The following SEPTIN9 variants were observed in gnomAD, a reference collection of about 807,000 sequenced individuals.
SEPTIN9 encodes the protein septin-9.
SEPTIN9 carries 13 observed loss-of-function variants against 56.6 expected under a neutral mutation model. That is an observed-to-expected ratio of 0.23 (90% CI 0.15 to 0.37). The LOEUF is 0.37. Ranked by LOEUF, SEPTIN9 falls within the 10% of genes least tolerant of loss-of-function variation. The pLI is 1.00. For missense variants in SEPTIN9, 650 were observed against 823.1 expected (o/e 0.79, Z 2.57); for synonymous variants, 332 against 334.1 (o/e 0.99, Z 0.07).
At chr17:77,386,959 A>G (rs312835) in intron 2 of SEPTIN9, among the ~76,000 whole-genome samples, 104,846 of 152,140 alleles carry the variant, frequency 0.69, 36,275 homozygotes, top group African/African-American at 0.75. Context: ...AGCTGTGACC[A>G]CACAGGCACT....
At chr17:77,396,150 G>A (rs1487531156) in intron 2 of SEPTIN9, among the ~76,000 whole-genome samples, 1 of 152,132 alleles carries the variant, frequency 6.6e-6, no homozygotes, top group Non-Finnish European at 1.5e-5. Flanking sequence ...GGGTGGGGGG[G>A]TGACACTGCT....
At chr17:77,320,073 T>C in intron 2 of SEPTIN9, 1 of 1,420,446 alleles carries the variant, frequency 7.0e-7, no homozygotes, top group South Asian at 1.5e-5. Context: ...TGCTCCCTTT[T>C]TCCTCCCGTT....
chr17:77,488,132 T>C (rs959473233), intron 5 of SEPTIN9, 108 bp from the exon 6 acceptor site: 65 of 984,072 alleles, frequency 6.6e-5, no homozygotes, highest in Non-Finnish European at 9.9e-5. Flanking sequence ...GGTGTCTCCT[T>C]GGTTGTCATC....
At position 77,303,834 on chromosome 17, in the gene SEPTIN9, C is replaced by T. The variant is rs112989208; in HGVS notation, c.20-3307C>T. ...CTCTGTCCCCAAGGAAGCTGAGACT[C>T]AGGAAATGGAAGTCATCTCCCAGGG... On this transcript the variant is annotated intron_variant, in intron 1 of 11. Transcript: ENST00000427177. 2.0e-3 allele frequency among the ~76,000 whole-genome samples: 302 copies of T among 152,236 alleles called. 4 individuals carry two copies. The highest frequency in any genetic ancestry group is 4.0e-3 in the Admixed American group (61 of 15,282).
At chr17:77,321,486 G>T (rs1162249281) in intron 2 of SEPTIN9, among the ~76,000 whole-genome samples, 1 of 150,852 alleles carries the variant, frequency 6.6e-6, no homozygotes, top group African/African-American at 2.4e-5. Context: ...TGCAAGCTCC[G>T]CCTCCCTAGT....
rs1458105469 is a variant in SEPTIN9, at chr17:77,478,127, GA to G, written c.722-4009del. On this transcript the variant is annotated intron_variant, in intron 3 of 11. Transcript: ENST00000427177. ...CTGGCCACTTACAGTGGCATTTCAG[GA>G]AAAAAAATCACTCTATGGACCTCAG... is the stretch of plus-strand genomic sequence containing the variant. 2.0e-5 allele frequency among the ~76,000 whole-genome samples: 3 copies of G among 151,966 alleles called. No homozygotes were observed. The South Asian group carries it at 6.3e-4, about 32-fold the overall frequency.
chr17:77,314,051 G>T (rs1362680330), intron 2 of SEPTIN9, among the ~76,000 whole-genome samples: 1 of 152,056 alleles, frequency 6.6e-6, no homozygotes, highest in East Asian at 1.9e-4. Context: ...AATACAAAAA[G>T]TTAGCTGGGC....
In SEPTIN9 at chr17:77,326,452, A is replaced by G. The variant is rs2033145039; in HGVS notation, c.76+19255A>G. ...GGGGGGACACCTTCGGGCTGAGCGC[A>G]GAAGGATGAGGGGAGTAAACCAGGC... On this transcript the variant is annotated intron_variant, in intron 2 of 11. Transcript: ENST00000427177. The surrounding 1 kb of genome is among the most constrained non-coding windows in gnomAD (Gnocchi z 5.1). Among the ~76,000 whole-genome samples, 1 of 152,212 alleles carries G rather than the reference A, an allele frequency of 6.6e-6. No individual in the cohort carries two copies.
At position 77,436,633 on chromosome 17, in the gene SEPTIN9, A is replaced by ACCTGGCC. The variant is rs746708537; in HGVS notation, c.721+33940_721+33946dup. On this transcript the variant is annotated intron_variant, in intron 3 of 11. Coordinates refer to ENST00000427177, the MANE Select transcript of SEPTIN9 (RefSeq NM_001113491.2). The surrounding 1 kb of genome is among the most constrained non-coding windows in gnomAD (Gnocchi z 4.4). ...CTCTCCTGCCCCGCTGGAGGGAGTG[A>ACCTGGCC]CCTGGCCCCTGGCCCCGGCCACCTA... 4.6e-5 allele frequency among the ~76,000 whole-genome samples: 7 copies of ACCTGGCC among 152,176 alleles called. No individual in the cohort carries two copies. Among genetic ancestry groups the ACCTGGCC allele is most frequent in the Non-Finnish European group, 1.0e-4 (7 of 68,018 alleles).
intron 1 of SEPTIN9, among the ~76,000 whole-genome samples, chr17:77,291,273 A>T (rs898952759): frequency 6.7e-6 from 1 of 148,698 alleles, no homozygotes; most frequent in African/African-American, 2.5e-5. Flanking sequence ...TGACCTCGTG[A>T]TCCACCTGCC....
In SEPTIN9 at chr17:77,327,471, C is replaced by T. The variant is rs2033184095; in HGVS notation, c.76+20274C>T. 6.6e-6 allele frequency among the ~76,000 whole-genome samples: 1 copy of T among 152,176 alleles called. No individual in the cohort carries two copies. On this transcript the variant is annotated intron_variant, in intron 2 of 11. Transcript: ENST00000427177. The surrounding 1 kb of genome is among the most constrained non-coding windows in gnomAD (Gnocchi z 5.0). ...GATTCTGGGGCTGCCTTGGTTCAAG[C>T]CCACCCTGACTTGGAGCCTGAGGGT...
In SEPTIN9 at chr17:77,445,076, TG is replaced by T. The variant is rs1392149913; in HGVS notation, c.722-37067del. On this transcript the variant is annotated intron_variant, in intron 3 of 11. Coordinates refer to ENST00000427177, the MANE Select transcript of SEPTIN9 (RefSeq NM_001113491.2). The surrounding 1 kb of genome is among the most constrained non-coding windows in gnomAD (Gnocchi z 4.7). ...CACAGAAAATGTGCAGAGGCCCCTC[TG>T]TCCCACCATGCCTGCCTGGGGACGG... 11 of 422,372 alleles carry T rather than the reference TG, an allele frequency of 2.6e-5. No individual in the cohort carries two copies. Among genetic ancestry groups the T allele is most frequent in the African/African-American group, 2.3e-4 (11 of 48,222 alleles). 26.2% of individuals were successfully genotyped at this position (422,372 alleles called of 1,614,324 possible). A position where few individuals can be genotyped will look rare whatever the true frequency, so the allele number is the denominator to read the frequency against.
chr17:77,482,839 C>A, intron 4 of SEPTIN9: 1 of 461,010 alleles, frequency 2.2e-6, no homozygotes, highest in Admixed American at 3.6e-5. Context: ...GGGAGGTCGT[C>A]GATCAGCACG....
intron 2 of SEPTIN9, among the ~76,000 whole-genome samples, chr17:77,388,808 C>G (rs865939982): frequency 6.8e-4 from 64 of 94,200 alleles, no homozygotes; most frequent in African/African-American, 2.7e-3. Context: ...TGGTGTTAGG[C>G]GCTTTTTTTT....
Position 77,313,064 on chromosome 17 carries a change from C to T in SEPTIN9, c.76+5867C>T, listed in dbSNP as rs796903351. Among the ~76,000 whole-genome samples the T allele has an allele frequency of 1.6e-4, 25 of 152,214 alleles. No homozygotes were observed. The highest frequency in any genetic ancestry group is 5.5e-4 in the African/African-American group (23 of 41,546). ...TTATCCAGTGAACGGTTACTGGGCA[C>T]CTACTGAGCAAGCAGGATGAAAGAC... is the stretch of plus-strand genomic sequence containing the variant. On this transcript the variant is annotated intron_variant, in intron 2 of 11. Coordinates refer to ENST00000427177, the MANE Select transcript of SEPTIN9 (RefSeq NM_001113491.2). The surrounding 1 kb of genome is among the most constrained non-coding windows in gnomAD (Gnocchi z 4.5).
chr17:77,355,540 A>G (rs2034201647), intron 2 of SEPTIN9, among the ~76,000 whole-genome samples: 1 of 151,928 alleles, frequency 6.6e-6, no homozygotes, highest in Non-Finnish European at 1.5e-5. Flanking sequence ...ACAGCCCCCA[A>G]GTGGATGGGG....
Position 77,326,428 on chromosome 17 carries a change from G to A in SEPTIN9, c.76+19231G>A, listed in dbSNP as rs950907856. On this transcript the variant is annotated intron_variant, in intron 2 of 11. Transcript: ENST00000427177. This position sits in a 1 kb window ranked among gnomAD's most constrained non-coding sequence, Gnocchi z 5.1. ...GGACCAGGTCAGGAGGGCTGCCTCG[G>A]GGGGACACCTTCGGGCTGAGCGCAG... Among the ~76,000 whole-genome samples the A allele has an allele frequency of 2.0e-5, 3 of 152,204 alleles. No individual in the cohort carries two copies. The highest frequency in any genetic ancestry group is 4.4e-5 in the Non-Finnish European group (3 of 68,034).
At chr17:77,352,545 C>T (rs1208381671) in intron 2 of SEPTIN9, among the ~76,000 whole-genome samples, 5 of 152,184 alleles carry the variant, frequency 3.3e-5, no homozygotes, top group South Asian at 2.1e-4. Flanking sequence ...TGCCTTTCTC[C>T]GAGCTCTGCG....
chr17:77,477,228 C>T (rs1243551940), intron 3 of SEPTIN9, among the ~76,000 whole-genome samples: 2 of 152,012 alleles, frequency 1.3e-5, no homozygotes, highest in Non-Finnish European at 2.9e-5. Flanking sequence ...CATTTTTTCA[C>T]AACCTTCTAT....
Sources: allele counts gnomAD v4.1 joint callset (sites outside exome capture counted in the v4.1 genomes callset), GRCh38; gene constraint gnomAD v4.1.1; non-coding constraint Gnocchi (gnomAD v3.1); transcripts MANE v1.5; gene names NCBI Gene and HGNC (gene_info 2026-07-23, HGNC 2026-07-21).